Variants in CARM1 observed in about 807,000 individuals in gnomAD.
CARM1 encodes coactivator associated arginine methyltransferase 1.
Under a neutral mutation model 72.7 loss-of-function variants are expected in CARM1, and 14 were observed. The ratio of observed to expected loss-of-function variants is 0.19; its 90% CI spans 0.13 to 0.30. The LOEUF is 0.30. Ranked by LOEUF, CARM1 falls within the 10% of genes least tolerant of loss-of-function variation. The pLI is 1.00. For synonymous variants in CARM1, 333 were observed against 345.5 expected (o/e 0.96, Z 0.40); for missense variants, 432 against 833.7 (o/e 0.52, Z 5.93).
At chr19:10,885,888 AT>A (rs766173367) in intron 1 of CARM1, among the ~76,000 whole-genome samples, 3,458 of 78,686 alleles carry the variant, frequency 0.044, 594 homozygotes, top group East Asian at 0.4. Flanking sequence ...TCACTCCCTC[AT>A]TTTTTTTTTT....
chr19:10,916,881 C>T lies in CARM1; in HGVS notation c.1020+104C>T. The T allele has an allele frequency of 1.2e-6, 1 of 804,860 alleles. No homozygotes were observed. The highest frequency in any genetic ancestry group is 1.8e-5 in the South Asian group (1 of 57,092). 49.9% of individuals were successfully genotyped at this position (804,860 alleles called of 1,614,324 possible). The stretch of plus-strand genomic sequence containing the variant: ...GCCCCTCTCTGAGCCCTCTCCTCTG[C>T]CCTGCACAGCGCTCTCACAGAGATT... On this transcript the variant is annotated intron_variant, in intron 8 of 15. Coordinates refer to ENST00000327064, the MANE Select transcript of CARM1 (RefSeq NM_199141.2). The surrounding 1 kb of genome is among the most constrained non-coding windows in gnomAD (Gnocchi z 4.4).
intron 1 of CARM1, among the ~76,000 whole-genome samples, chr19:10,890,971 C>G (rs1360311639): frequency 2.0e-5 from 3 of 151,618 alleles, no homozygotes; most frequent in Non-Finnish European, 4.4e-5. Context: ...GAGACCAAAA[C>G]TGAGTCAGTG....
At chr19:10,886,367 G>A (rs1722223181) in intron 1 of CARM1, among the ~76,000 whole-genome samples, 1 of 151,630 alleles carries the variant, frequency 6.6e-6, no homozygotes, top group African/African-American at 2.4e-5. Flanking sequence ...CCTAATTTTT[G>A]TATTTCTTGT....
chr19:10,919,302 G>A (rs749176420), intron 8 of CARM1: 7 of 348,768 alleles, frequency 2.0e-5, no homozygotes, highest in African/African-American at 1.0e-4. Context: ...TCGCTACCAC[G>A]GACAATCTAA....
chr19:10,901,623 C>T (rs1284796419), intron 1 of CARM1, among the ~76,000 whole-genome samples: 1 of 152,072 alleles, frequency 6.6e-6, no homozygotes, highest in Non-Finnish European at 1.5e-5. Flanking sequence ...GTGCCTGGCC[C>T]TGGCTATCTC....
At chr19:10,882,297 C>T (rs1444479475) in intron 1 of CARM1, among the ~76,000 whole-genome samples, 4 of 152,138 alleles carry the variant, frequency 2.6e-5, no homozygotes, top group African/African-American at 4.8e-5. Flanking sequence ...AGGCAAGGGA[C>T]GCCTGTGATG....
intron 15 of CARM1, 53 bp downstream of exon 15, chr19:10,921,496 C>G: frequency 6.4e-7 from 1 of 1,573,450 alleles, no homozygotes; most frequent in Non-Finnish European, 8.6e-7. Flanking sequence ...GCGTGTGAGT[C>G]GCCATCCTCT....
chr19:10,906,071 T>G (rs2074101600), intron 2 of CARM1, among the ~76,000 whole-genome samples: 1 of 145,126 alleles, frequency 6.9e-6, no homozygotes, highest in Non-Finnish European at 1.5e-5. Flanking sequence ...TGCCTCAGCC[T>G]CCCGCGTAGC....
Position 10,896,196 on chromosome 19 carries a change from G to A in CARM1, c.221-8755G>A, listed in dbSNP as rs1184023620. On this transcript the variant is annotated intron_variant, in intron 1 of 15. Transcript: ENST00000327064. The surrounding 1 kb of genome is among the most constrained non-coding windows in gnomAD (Gnocchi z 5.2). ...CTGCTCAGTGAGACCCTTGAGAGAC[G>A]TCTCCCCGTTCTTCCAAGACCCTCC... is the stretch of plus-strand genomic sequence containing the variant. 6.6e-6 allele frequency among the ~76,000 whole-genome samples: 1 copy of A among 151,996 alleles called. No individual in the cohort carries two copies. The highest frequency in any genetic ancestry group is 1.5e-5 in the Non-Finnish European group (1 of 67,958).
intron 1 of CARM1, among the ~76,000 whole-genome samples, chr19:10,881,884 G>T (rs939920764): frequency 2.6e-5 from 4 of 152,184 alleles, no homozygotes; most frequent in Non-Finnish European, 5.9e-5. Flanking sequence ...TGACACCCGA[G>T]ATAAACACAA....
chr19:10,900,154 TAAAC>T (rs1017253360), intron 1 of CARM1, among the ~76,000 whole-genome samples: 1 of 151,758 alleles, frequency 6.6e-6, no homozygotes, highest in Non-Finnish European at 1.5e-5. Flanking sequence ...TACAAAAAAA[TAAAC>T]AAAATTAGCC....
intron 1 of CARM1, among the ~76,000 whole-genome samples, chr19:10,872,601 T>C (rs2073828243): frequency 6.6e-6 from 1 of 152,094 alleles, no homozygotes. Context: ...AAGTAAGAGC[T>C]AACAGCCTCC....
At chr19:10,887,604 T>A (rs1375046909) in intron 1 of CARM1, among the ~76,000 whole-genome samples, 1 of 152,190 alleles carries the variant, frequency 6.6e-6, no homozygotes, top group Non-Finnish European at 1.5e-5. Flanking sequence ...CTTTATTTTT[T>A]TTTAAATGTT....
At chr19:10,878,807 C>CTT (rs959582502) in intron 1 of CARM1, among the ~76,000 whole-genome samples, 10 of 140,224 alleles carry the variant, frequency 7.1e-5, no homozygotes, top group African/African-American at 1.6e-4. Flanking sequence ...CTCCCCCCGG[C>CTT]TTTTTTTTTT....
Position 10,871,736 on chromosome 19 carries a change from G to GCGGGCGGCGCGGGGTCGGCGGTCC in CARM1, c.49_72dup (p.Ser17_Gly24dup), listed in dbSNP as rs763660570. On this transcript the variant is annotated inframe_insertion, in exon 1 of 16. Transcript: ENST00000327064. The surrounding 1 kb of genome is among the most constrained non-coding windows in gnomAD (Gnocchi z 5.6). The stretch of plus-strand genomic sequence containing the variant: ...GGCGGCGGCGGCGGTGGGGCCGGGC[G>GCGGGCGGCGCGGGGTCGGCGGTCC]CGGGCGGCGCGGGGTCGGCGGTCCC... The GCGGGCGGCGCGGGGTCGGCGGTCC allele has an allele frequency of 1.4e-5, 14 of 1,021,120 alleles. No individual in the cohort carries two copies. The highest frequency in any genetic ancestry group is 5.7e-5 in the Admixed American group (1 of 17,424). The allele number at this position is 1,021,120 out of a possible 1,614,324, so 63.3% of individuals were successfully genotyped here. A position where few individuals can be genotyped will look rare whatever the true frequency, so the allele number is the denominator to read the frequency against.
chr19:10,877,420 CTG>C (rs1204648477), intron 1 of CARM1, among the ~76,000 whole-genome samples: 1 of 152,084 alleles, frequency 6.6e-6, no homozygotes, highest in Non-Finnish European at 1.5e-5. Flanking sequence ...CTATTTTTAT[CTG>C]TGTTTGTATT....
At chr19:10,905,375 CCTGGGCCAGCTGTGA>C (rs770940157) in intron 2 of CARM1, among the ~76,000 whole-genome samples, 150 of 149,414 alleles carry the variant, frequency 1.0e-3, no homozygotes, top group Non-Finnish European at 1.8e-3. Flanking sequence ...AGTGGCCAGC[CCTGGGCCAGCTGTGA>C]CTGGGCCAGC....
Position 10,912,144 on chromosome 19 carries a change from GCCT to G in CARM1, c.559-36_559-34del. On this transcript the variant is annotated intron_variant, in intron 4 of 15. Transcript: ENST00000327064. The surrounding 1 kb of genome is among the most constrained non-coding windows in gnomAD (Gnocchi z 4.5). ...TCACTGTCACCTCCCCATCACCGTCGCCTCCTATGTCTCGCTCTCACCTCCCAC... is the reference window on the plus strand; with the variant it reads ...TCACTGTCACCTCCCCATCACCGTCGCCTATGTCTCGCTCTCACCTCCCAC... 1 of 1,445,334 alleles carries G rather than the reference GCCT, an allele frequency of 6.9e-7. No homozygotes were observed. Among genetic ancestry groups the G allele is most frequent in the South Asian group, 1.1e-5 (1 of 87,752 alleles). The allele number at this position is 1,445,334 out of a possible 1,614,324, so 89.5% of individuals were successfully genotyped here.
intron 1 of CARM1, among the ~76,000 whole-genome samples, chr19:10,900,747 G>A (rs542766067): frequency 6.6e-6 from 1 of 151,796 alleles, no homozygotes; most frequent in South Asian, 2.1e-4. Context: ...GCAGTGGCGT[G>A]ATCTCGGCTC....
Sources: gnomAD v4.1 joint callset for allele counts (sites outside exome capture counted in the v4.1 genomes callset) on GRCh38, gnomAD v4.1.1 for gene constraint, Gnocchi (gnomAD v3.1) non-coding constraint, MANE v1.5 for transcripts, NCBI Gene and HGNC (gene_info 2026-07-23, HGNC 2026-07-21) for gene names.